Variants in RPA3 observed in about 807,000 individuals in gnomAD.
The protein encoded by RPA3 is replication protein A3.
RPA3 carries 24 observed loss-of-function variants against 13.7 expected under a neutral mutation model. The observed-to-expected ratio is 1.75, with a 90% confidence interval of 1.27 to 2.46. The LOEUF (loss-of-function observed/expected upper bound fraction) is 2.46, where lower values mean the gene tolerates loss of function less well. Ranked by LOEUF, RPA3 falls within the 30% of genes most tolerant of loss-of-function variation. RPA3 has a pLI of 0.00. For synonymous variants in RPA3, 59 were observed against 51.2 expected (o/e 1.15, Z -0.65); for missense variants, 183 against 151.0 (o/e 1.21, Z -1.11).
At chr7:7,714,182 C>G (rs370509772) in intron 2 of RPA3, among the ~76,000 whole-genome samples, 13 of 152,178 alleles carry the variant, frequency 8.5e-5, no homozygotes, top group African/African-American at 3.1e-4. Flanking sequence ...TGATTCATGG[C>G]CTTTTCTCAA....
chr7:7,714,604 A>C (rs1780845764), intron 2 of RPA3, among the ~76,000 whole-genome samples: 1 of 152,182 alleles, frequency 6.6e-6, no homozygotes, highest in South Asian at 2.1e-4. Flanking sequence ...ATATCTTTAA[A>C]TTCTCATTTG....
At chr7:7,673,231 T>C in intron 4 of RPA3, 3 of 875,368 alleles carry the variant, frequency 3.4e-6, no homozygotes, top group Non-Finnish European at 5.5e-6. Flanking sequence ...TATATCGTTA[T>C]GCTGAACTTT....
At chr7:7,656,192 C>G (rs1785337837) in intron 4 of RPA3, among the ~76,000 whole-genome samples, 1 of 151,944 alleles carries the variant, frequency 6.6e-6, no homozygotes, top group Non-Finnish European at 1.5e-5. Context: ...TCTGTATACA[C>G]CATTGTAAAA....
chr7:7,692,310 A>G (rs1482312075), intron 2 of RPA3: 1 of 152,220 alleles, frequency 6.6e-6, no homozygotes, highest in Non-Finnish European at 1.5e-5. Context: ...GCTAGTAGTC[A>G]TGAGGAGAAT....
At chr7:7,683,610 A>G (rs1242458914) in intron 4 of RPA3, among the ~76,000 whole-genome samples, 4 of 152,034 alleles carry the variant, frequency 2.6e-5, no homozygotes, top group African/African-American at 9.7e-5. Flanking sequence ...TATGAAATGA[A>G]ATTTGTTTTC....
intron 4 of RPA3, among the ~76,000 whole-genome samples, chr7:7,656,933 A>C (rs1013881831): frequency 2.0e-5 from 3 of 152,234 alleles, no homozygotes; most frequent in African/African-American, 7.2e-5. Context: ...TTCCACCAAC[A>C]GTGTTAAAAG....
intron 2 of RPA3, among the ~76,000 whole-genome samples, chr7:7,712,005 T>C (rs2115170835): frequency 6.6e-6 from 1 of 152,252 alleles, no homozygotes; most frequent in Admixed American, 6.5e-5. Context: ...TTTGGATTAA[T>C]TCATCTTCTT....
At chr7:7,708,191 G>C (rs1780654428) in intron 2 of RPA3, among the ~76,000 whole-genome samples, 1 of 152,128 alleles carries the variant, frequency 6.6e-6, no homozygotes, top group African/African-American at 2.4e-5. Context: ...AAACACAACA[G>C]CTTCTCCTTA....
chr7:7,708,507 T>C (rs1780665000), intron 2 of RPA3, among the ~76,000 whole-genome samples: 1 of 152,210 alleles, frequency 6.6e-6, no homozygotes, highest in African/African-American at 2.4e-5. Context: ...TCTAACACTC[T>C]GTTAAGAAAT....
At position 7,709,721 on chromosome 7, in the gene RPA3, C is replaced by G. The variant is rs555561373; in HGVS notation, c.-1028+5454G>C. Among the ~76,000 whole-genome samples the G allele has an allele frequency of 5.3e-5, 8 of 152,140 alleles. No homozygotes were observed. The South Asian group carries it at 1.2e-3, about 24-fold the overall frequency. On this transcript the variant is annotated intron_variant, in intron 2 of 7. Coordinates refer to ENST00000223129, the MANE Select transcript of RPA3 (RefSeq NM_002947.5). ...GTAAGATCTTTAAAGTGACATCTTA[C>G]CAGCTATTATTCTTAGCTCTTGCTT...
chr7:7,643,711 CAAAAAAAA>C (rs34403294), intron 4 of RPA3, among the ~76,000 whole-genome samples: 98 of 66,966 alleles, frequency 1.5e-3, no homozygotes, highest in African/African-American at 8.5e-3. Flanking sequence ...GACTCCCTCT[CAAAAAAAA>C]AAAAAACAAA....
chr7:7,680,391 C>G (rs1398690522), intron 4 of RPA3, among the ~76,000 whole-genome samples: 5 of 152,000 alleles, frequency 3.3e-5, no homozygotes, highest in Admixed American at 6.6e-5. Context: ...TGGTTCCATT[C>G]GTCCATGTGT....
At chr7:7,691,373 C>G (rs183688331) in intron 2 of RPA3, among the ~76,000 whole-genome samples, 3 of 152,080 alleles carry the variant, frequency 2.0e-5, no homozygotes, top group Admixed American at 2.0e-4. Flanking sequence ...TAAAATAAAC[C>G]AAACATTAAT....
chr7:7,667,076 T>C (rs1779482770), intron 4 of RPA3, among the ~76,000 whole-genome samples: 2 of 152,244 alleles, frequency 1.3e-5, no homozygotes, highest in Admixed American at 1.3e-4. Flanking sequence ...CGCAAAGTGC[T>C]GGGATTACAG....
In RPA3 at chr7:7,695,047, T is replaced by G. The variant is rs184928385; in HGVS notation, c.-1027-7719A>C. Among the ~76,000 whole-genome samples, 548 of 152,326 alleles carry G rather than the reference T, an allele frequency of 3.6e-3. 3 individuals carry two copies. Among genetic ancestry groups the G allele is most frequent in the Non-Finnish European group, 4.1e-3 (277 of 68,016 alleles). ...CCTTTTGCCATATCCTTGCCAGTGTTTGTCATTACCTTTCTTTTGGATAAA... is the reference window on the plus strand; with the variant it reads ...CCTTTTGCCATATCCTTGCCAGTGTGTGTCATTACCTTTCTTTTGGATAAA... On this transcript the variant is annotated intron_variant, in intron 2 of 7. Coordinates refer to ENST00000223129, the MANE Select transcript of RPA3 (RefSeq NM_002947.5).
intron 4 of RPA3, among the ~76,000 whole-genome samples, chr7:7,667,382 C>T (rs1441062066): frequency 6.6e-6 from 1 of 152,198 alleles, no homozygotes; most frequent in African/African-American, 2.4e-5. Flanking sequence ...CAAGGCCATG[C>T]ATATCAGAAG....
chr7:7,685,235 G>A (rs1417838004), intron 4 of RPA3, among the ~76,000 whole-genome samples: 5 of 151,588 alleles, frequency 3.3e-5, no homozygotes, highest in Admixed American at 1.3e-4. Flanking sequence ...ATCATATTGA[G>A]CATCTGTTTT....
chr7:7,693,106 A>C (rs1780214499), intron 2 of RPA3, among the ~76,000 whole-genome samples: 1 of 152,124 alleles, frequency 6.6e-6, no homozygotes, highest in Non-Finnish European at 1.5e-5. Flanking sequence ...TATAACTCCA[A>C]AGTCAAAAGG....
At chr7:7,701,223 C>A (rs1201038744) in intron 2 of RPA3, among the ~76,000 whole-genome samples, 1 of 151,232 alleles carries the variant, frequency 6.6e-6, no homozygotes, top group Non-Finnish European at 1.5e-5. Context: ...TGAACTGTAT[C>A]ATTTCCTCTC....
Sources: allele counts gnomAD v4.1 joint callset (sites outside exome capture counted in the v4.1 genomes callset), GRCh38; gene constraint gnomAD v4.1.1; transcripts MANE v1.5; gene names NCBI Gene and HGNC (gene_info 2026-07-23, HGNC 2026-07-21).